The following DNAH11 variants were observed in gnomAD, a reference collection of about 807,000 sequenced individuals.
The protein encoded by DNAH11 is axonemal beta dynein heavy chain 11.
A neutral mutation model predicts 526.0 loss-of-function variants in DNAH11; 442 were observed. The ratio of observed to expected loss-of-function variants is 0.84; its 90% confidence interval spans 0.78 to 0.91. The LOEUF (loss-of-function observed/expected upper bound fraction) is 0.91. DNAH11 is among the 40% of genes least tolerant of loss of function. The pLI is 0.00. For synonymous variants in DNAH11, 2,461 were observed against 1,935.9 expected, an observed-to-expected ratio of 1.27 and a Z score of -7.12; for missense variants, 6,989 against 5,448.7, an observed-to-expected ratio of 1.28 and a Z score of -8.90.
rs570244544 is a variant in DNAH11, at chr7:21,754,050, A to G, written c.8940+3686A>G. 1.3e-3 allele frequency among the ~76,000 whole-genome samples: 200 copies of G among 152,286 alleles called. 2 individuals carry two copies. Among genetic ancestry groups the G allele is most frequent in the African/African-American group, 4.7e-3 (197 of 41,556 alleles). On this transcript the variant is annotated intron_variant, in intron 54 of 81. Coordinates refer to ENST00000409508, the MANE Select transcript of DNAH11 (RefSeq NM_001277115.2). ...TCTTATAGTTTATAATAGTTGGTTG[A>G]TATCATATAGCCTGCAGGTAAAGAT...
At position 21,588,201 on chromosome 7, in the gene DNAH11, G is replaced by A. The variant is rs369146775; in HGVS notation, c.1848G>A (p.Gln616=). 137 of 1,609,516 alleles carry A rather than the reference G, an allele frequency of 8.5e-5. 1 individual carries two copies. The Middle Eastern group carries it at 1.0e-3, about 12-fold the overall frequency. Reference sequence around the variant, plus strand: ...AACTGTATAATGAACACATGAAACAGGTAAGTGGTGGATAAGGTTGGACAC... The same window carrying A: ...AACTGTATAATGAACACATGAAACAAGTAAGTGGTGGATAAGGTTGGACAC... ...CKQLYNEHMK[Q]IECGHVVLNK... The change falls in exon 10 of 82, where the codon CAG becomes CAA. Residue 616 remains glutamine (Q), a splice_region_variant and synonymous_variant. Transcript: ENST00000409508.
intron 2 of DNAH11, among the ~76,000 whole-genome samples, chr7:21,550,325 A>G (rs1035800359): frequency 2.0e-5 from 3 of 152,026 alleles, no homozygotes; most frequent in Non-Finnish European, 2.9e-5. Flanking sequence ...TGAGCCGTGA[A>G]CTCAAGAGGT....
intron 30 of DNAH11, among the ~76,000 whole-genome samples, chr7:21,669,057 T>C (rs1409170163): frequency 6.6e-6 from 1 of 152,216 alleles, no homozygotes; most frequent in Non-Finnish European, 1.5e-5. Context: ...TTAACTGGCA[T>C]TTTTCTAATG....
At chr7:21,770,959 A>T (rs543410735) in intron 55 of DNAH11, among the ~76,000 whole-genome samples, 1 of 152,334 alleles carries the variant, frequency 6.6e-6, no homozygotes, top group South Asian at 2.1e-4. Context: ...ATAAGCCACC[A>T]TGCAACCACA....
At chr7:21,837,999 T>G (rs1013695420) in intron 65 of DNAH11, among the ~76,000 whole-genome samples, 1 of 152,182 alleles carries the variant, frequency 6.6e-6, no homozygotes, top group Middle Eastern at 3.2e-3. Flanking sequence ...AAGTCAGTCA[T>G]ACACATCCTG....
intron 9 of DNAH11, among the ~76,000 whole-genome samples, chr7:21,584,319 AAC>A (rs1562679233): frequency 6.6e-6 from 1 of 152,200 alleles, no homozygotes; most frequent in Non-Finnish European, 1.5e-5. Context: ...TCAGCAAACT[AAC>A]ACAGGAACAG....
intron 45 of DNAH11, among the ~76,000 whole-genome samples, chr7:21,732,704 A>T (rs1024320609): frequency 2.0e-5 from 3 of 152,222 alleles, no homozygotes; most frequent in African/African-American, 4.8e-5. Flanking sequence ...ACCTGGTGGA[A>T]TCACCAAGGA....
Position 21,612,472 on chromosome 7 carries a change from A to G in DNAH11, c.3853-2642A>G, listed in dbSNP as rs557427111. Among the ~76,000 whole-genome samples, 198 of 149,048 alleles carry G rather than the reference A, an allele frequency of 1.3e-3. 1 individual carries two copies. The South Asian group carries it at 0.016, about 12-fold the overall frequency. On this transcript the variant is annotated intron_variant, in intron 20 of 81. Coordinates refer to ENST00000409508, the MANE Select transcript of DNAH11 (RefSeq NM_001277115.2). ...CAGGGGGCTGAAGCAGGAGAATGGC[A>G]TGAACCCAGGAGGCAGAGCTTGCAG...
intron 25 of DNAH11, among the ~76,000 whole-genome samples, chr7:21,627,296 T>A (rs938912604): frequency 9.2e-5 from 14 of 152,156 alleles, no homozygotes; most frequent in African/African-American, 1.9e-4. Context: ...GTTTGCCCAG[T>A]TTTGTTTTTG....
chr7:21,702,264 T>C (rs556134759), intron 36 of DNAH11, among the ~76,000 whole-genome samples: 3 of 152,228 alleles, frequency 2.0e-5, no homozygotes, highest in South Asian at 4.1e-4. Context: ...AAGTATCTGA[T>C]TAAGAGGTGG....
chr7:21,801,272 G>A lies in DNAH11; in HGVS notation c.10162G>A (p.Ala3388Thr), dbSNP rs1788982365. The A allele has an allele frequency of 4.3e-6, 7 of 1,613,682 alleles. No individual in the cohort carries two copies. Among genetic ancestry groups the A allele is most frequent in the Non-Finnish European group, 5.9e-6 (7 of 1,179,846 alleles). Residue 3388 changes from alanine (A) to threonine (T), a missense_variant, in exon 62 of 82, where the codon GCA (alanine) becomes ACA (threonine). Transcript: ENST00000409508. ...TAACAGACTTGTCAAGGAACTTGAG[G>A]CAAGTTAAACCTTTTCTTCCAAACA... ...LANRLVKELE[A>T]KKIRWGQSIK... is the part of the protein sequence containing the mutation.
intron 18 of DNAH11, among the ~76,000 whole-genome samples, chr7:21,604,803 G>C (rs996580081): frequency 2.0e-5 from 3 of 152,180 alleles, no homozygotes; most frequent in African/African-American, 4.8e-5. Flanking sequence ...TCCCAGCCAT[G>C]GCCTCCGAGG....
chr7:21,837,875 G>A (rs1050468996), intron 65 of DNAH11, among the ~76,000 whole-genome samples: 1 of 151,984 alleles, frequency 6.6e-6, no homozygotes, highest in African/African-American at 2.4e-5. Flanking sequence ...ATGAGATGAT[G>A]GATATGCTAA....
At chr7:21,741,896 C>T in intron 48 of DNAH11, 31 bp from the exon 49 acceptor site, 1 of 1,610,254 alleles carries the variant, frequency 6.2e-7, no homozygotes. Flanking sequence ...AATTGTAATC[C>T]TTACACTCTT....
At chr7:21,715,893 A>T (rs912109449) in intron 42 of DNAH11, among the ~76,000 whole-genome samples, 1 of 147,328 alleles carries the variant, frequency 6.8e-6, no homozygotes, top group Admixed American at 6.8e-5. Context: ...CTCAAGCAGA[A>T]TCGGCTCTTA....
chr7:21,851,162 G>A (rs995960671), intron 66 of DNAH11: 1 of 161,400 alleles, frequency 6.2e-6, no homozygotes, highest in Non-Finnish European at 1.4e-5. Context: ...GGAGGTAACT[G>A]AATCACGGGA....
Position 21,558,924 on chromosome 7 carries a change from G to C in DNAH11, c.618G>C (p.Met206Ile), listed in dbSNP as rs374350787. Residue 206 changes from methionine (M) to isoleucine (I), a missense_variant, in exon 3 of 82, where the codon ATG (methionine) becomes ATC (isoleucine). Coordinates refer to ENST00000409508, the MANE Select transcript of DNAH11 (RefSeq NM_001277115.2). ...AGATGTATATTTTTAGGGGCAAAAT[G>C]TCTAGAAGAACTCTTCTACCAATTC... ...KKKMYIFRGK[M>I]SRRTLLPIPT... 4.7e-5 allele frequency: 75 copies of C among 1,598,988 alleles called. No individual in the cohort carries two copies. In the African/African-American group the frequency reaches 8.4e-4, roughly 18 times the overall value.
intron 20 of DNAH11, among the ~76,000 whole-genome samples, chr7:21,609,818 G>T (rs1323174311): frequency 6.6e-6 from 1 of 152,180 alleles, no homozygotes; most frequent in Non-Finnish European, 1.5e-5. Context: ...AGAACTATGA[G>T]ATTGAGTTTC....
chr7:21,610,049 T>G (rs1178937163), intron 20 of DNAH11, among the ~76,000 whole-genome samples: 1 of 151,922 alleles, frequency 6.6e-6, no homozygotes, highest in Non-Finnish European at 1.5e-5. Flanking sequence ...GGTCAGGAGA[T>G]GGAGACCATC....
Sources: gnomAD v4.1 joint callset for allele counts (sites outside exome capture counted in the v4.1 genomes callset) on GRCh38, gnomAD v4.1.1 for gene constraint, MANE v1.5 for transcripts, NCBI Gene and HGNC (gene_info 2026-07-23, HGNC 2026-07-21) for gene names.